GRIK4: variants seen among roughly 807,000 people sequenced by gnomAD.
The protein encoded by GRIK4 is glutamate receptor ionotropic, kainate 4.
In GRIK4, 40 loss-of-function variants were observed where a neutral mutation model predicts 104.9. The ratio of observed to expected loss-of-function variants is 0.38; its 90% confidence interval spans 0.30 to 0.50. GRIK4 has a LOEUF of 0.50. Ranked by LOEUF, GRIK4 falls within the 20% of genes least tolerant of loss-of-function variation. The pLI is 0.93. For missense variants in GRIK4, 1,047 were observed against 1,308.1 expected (o/e 0.80, Z 3.08); for synonymous variants, 485 against 524.9 (o/e 0.92, Z 1.04).
At chr11:120,529,918 G>C (rs1947905784) in intron 1 of GRIK4, among the ~76,000 whole-genome samples, 3 of 152,234 alleles carry the variant, frequency 2.0e-5, no homozygotes. Context: ...AAACTGGCAT[G>C]CCCCGAGTCA....
chr11:120,560,398 A>G (rs1001100828), intron 1 of GRIK4, among the ~76,000 whole-genome samples: 3 of 152,108 alleles, frequency 2.0e-5, no homozygotes, highest in Admixed American at 6.6e-5. Flanking sequence ...CTAGCCCCGC[A>G]TTTGTTATGC....
intron 1 of GRIK4, among the ~76,000 whole-genome samples, chr11:120,623,869 C>G (rs566120495): frequency 3.3e-5 from 5 of 152,262 alleles, no homozygotes; most frequent in Admixed American, 6.5e-5. Flanking sequence ...ATCCAGGGGC[C>G]CTCAGAGCTC....
chr11:120,913,227 G>A (rs1418008762), intron 13 of GRIK4, among the ~76,000 whole-genome samples: 1 of 152,090 alleles, frequency 6.6e-6, no homozygotes, highest in Non-Finnish European at 1.5e-5. Flanking sequence ...GTCTTTCCCT[G>A]CAGAAATTAC....
chr11:120,985,027 C>G (rs535483635), intron 20 of GRIK4, among the ~76,000 whole-genome samples: 34 of 151,916 alleles, frequency 2.2e-4, no homozygotes, highest in Non-Finnish European at 4.4e-4. Flanking sequence ...CAGGGTTTCA[C>G]CATGTTGGCC....
At chr11:120,771,444 A>G (rs1951940368) in intron 3 of GRIK4, among the ~76,000 whole-genome samples, 5 of 152,252 alleles carry the variant, frequency 3.3e-5, no homozygotes, top group Admixed American at 3.3e-4. Flanking sequence ...GGAAATTTCT[A>G]AGCAAAGTGT....
chr11:120,809,733 C>T (rs767633968), intron 4 of GRIK4, among the ~76,000 whole-genome samples: 28 of 152,154 alleles, frequency 1.8e-4, no homozygotes, highest in Non-Finnish European at 3.4e-4. Flanking sequence ...CACAAACCCT[C>T]GAGGCCTGAT....
At chr11:120,885,072 G>C (rs1394431476) in intron 11 of GRIK4, among the ~76,000 whole-genome samples, 2 of 152,258 alleles carry the variant, frequency 1.3e-5, no homozygotes, top group African/African-American at 4.8e-5. Flanking sequence ...TTCTCCACCT[G>C]GTGCGTTTAA....
intron 16 of GRIK4, among the ~76,000 whole-genome samples, chr11:120,957,433 A>G (rs1168689804): frequency 1.3e-5 from 2 of 152,096 alleles, no homozygotes; most frequent in African/African-American, 4.8e-5. Context: ...TGGCCTGTTC[A>G]CCTCAGCAGG....
At chr11:120,716,028 C>A (rs143775391) in intron 3 of GRIK4, among the ~76,000 whole-genome samples, 1 of 152,128 alleles carries the variant, frequency 6.6e-6, no homozygotes, top group East Asian at 1.9e-4. Context: ...TGGGGGAAGG[C>A]GGCTAACAGG....
chr11:120,603,955 G>A (rs1240124304), intron 1 of GRIK4, among the ~76,000 whole-genome samples: 3 of 151,906 alleles, frequency 2.0e-5, no homozygotes, highest in Non-Finnish European at 2.9e-5. Flanking sequence ...CGGATCACGA[G>A]GTCAGGAGAT....
intron 1 of GRIK4, among the ~76,000 whole-genome samples, chr11:120,602,482 G>A (rs1249002368): frequency 2.0e-5 from 3 of 152,108 alleles, no homozygotes; most frequent in Non-Finnish European, 2.9e-5. Flanking sequence ...ATTCCCTCAG[G>A]CTCACCTCAT....
At chr11:120,628,024 G>A (rs549231941) in intron 1 of GRIK4, among the ~76,000 whole-genome samples, 42 of 152,320 alleles carry the variant, frequency 2.8e-4, no homozygotes, top group Middle Eastern at 3.4e-3. Flanking sequence ...CAATGTATAT[G>A]AAGCTCTTTG....
chr11:120,888,194 C>G (rs940008751), intron 11 of GRIK4, among the ~76,000 whole-genome samples: 1 of 151,918 alleles, frequency 6.6e-6, no homozygotes, highest in Admixed American at 6.6e-5. Flanking sequence ...GATAAGGATT[C>G]GAATGTTTAC....
intron 9 of GRIK4, chr11:120,873,760 G>A (rs1280262677): frequency 1.7e-5 from 4 of 233,894 alleles, no homozygotes; most frequent in Non-Finnish European, 3.3e-5. Context: ...GCAGTTGCTT[G>A]TTTCCCTGGA....
At chr11:120,756,270 C>G (rs1951649591) in intron 3 of GRIK4, among the ~76,000 whole-genome samples, 1 of 152,228 alleles carries the variant, frequency 6.6e-6, no homozygotes, top group Admixed American at 6.5e-5. Context: ...GCTCCTCCCC[C>G]TCCAGCAAGA....
chr11:120,893,910 T>C (rs1312404542), intron 11 of GRIK4, among the ~76,000 whole-genome samples: 1 of 152,218 alleles, frequency 6.6e-6, no homozygotes, highest in Non-Finnish European at 1.5e-5. Context: ...TCGTCTGAGT[T>C]GGTCTTTTTG....
At chr11:120,780,316 A>C (rs1015436496) in intron 3 of GRIK4, among the ~76,000 whole-genome samples, 3 of 152,198 alleles carry the variant, frequency 2.0e-5, no homozygotes, top group Non-Finnish European at 4.4e-5. Context: ...ATTAAACAAT[A>C]ACTCTCCATT....
chr11:120,817,566 G>T (rs1345319296), intron 5 of GRIK4, among the ~76,000 whole-genome samples: 2 of 152,338 alleles, frequency 1.3e-5, no homozygotes, highest in Admixed American at 1.3e-4. Context: ...AGCCCTTGTG[G>T]CTGGCTGCCT....
intron 9 of GRIK4, among the ~76,000 whole-genome samples, chr11:120,865,728 T>C (rs1191170223): frequency 1.3e-5 from 2 of 152,296 alleles, no homozygotes; most frequent in African/African-American, 4.8e-5. Context: ...CAAAGGCACA[T>C]GGTAAAAAGT....
Sources: allele counts gnomAD v4.1 joint callset (sites outside exome capture counted in the v4.1 genomes callset), GRCh38; gene constraint gnomAD v4.1.1; transcripts MANE v1.5; gene names NCBI Gene and HGNC (gene_info 2026-07-23, HGNC 2026-07-21).